The following DHX32 variants were observed in gnomAD, a reference collection of about 807,000 sequenced individuals.
DHX32 encodes the protein DEAH-box helicase 32 (putative).
A neutral mutation model predicts 70.0 loss-of-function variants in DHX32; 51 were observed. The observed-to-expected ratio is 0.73, with a 90% CI of 0.58 to 0.92. The LOEUF (loss-of-function observed/expected upper bound fraction) is 0.92, where lower values mean the gene tolerates loss of function less well. Ranked by LOEUF, DHX32 falls within the 40% of genes least tolerant of loss-of-function variation. DHX32 has a pLI of 0.00. For synonymous variants in DHX32, 310 were observed against 315.3 expected (o/e 0.98, Z 0.18); for missense variants, 762 against 891.8 (o/e 0.85, Z 1.85).
chr10:125,877,332 T>A (rs1313883703), intron 1 of DHX32, among the ~76,000 whole-genome samples: 1 of 149,990 alleles, frequency 6.7e-6, no homozygotes, highest in Non-Finnish European at 1.5e-5. Context: ...TACTGGCAGC[T>A]GTAAATCAGA....
At chr10:125,881,298 G>C (rs1202395728), upstream of DHX32, 1 of 153,952 alleles carries the variant, frequency 6.5e-6, no homozygotes, top group Non-Finnish European at 1.4e-5. Context: ...TCTGCACTGG[G>C]CCTCGTGCTC....
At chr10:125,883,467 C>G (rs751099905), upstream of DHX32, among the ~76,000 whole-genome samples, 2 of 152,162 alleles carry the variant, frequency 1.3e-5, no homozygotes, top group African/African-American at 4.8e-5. Context: ...GAGGTACCCA[C>G]GCCCAAGCCA....
At chr10:125,843,611 C>CA (rs879669432) in intron 6 of DHX32, among the ~76,000 whole-genome samples, 376 of 132,052 alleles carry the variant, frequency 2.8e-3, no homozygotes, top group East Asian at 5.3e-3. Flanking sequence ...GACTCCGTCT[C>CA]AAAAAAAAAA....
At chr10:125,859,037 G>GT (rs1253027834) in intron 3 of DHX32, among the ~76,000 whole-genome samples, 24 of 135,306 alleles carry the variant, frequency 1.8e-4, no homozygotes, top group East Asian at 8.6e-4. Context: ...TTTTTTGTTT[G>GT]TTTGTTTGTT....
upstream of DHX32, among the ~76,000 whole-genome samples, chr10:125,885,146 G>T (rs940901651): frequency 6.6e-6 from 1 of 151,992 alleles, no homozygotes; most frequent in East Asian, 1.9e-4. Context: ...CACAAATCTG[G>T]TCCCCCCAAT....
At chr10:125,852,709 A>G (rs1160639738) in intron 4 of DHX32, 67 bp from the exon 5 acceptor site, 5 of 1,403,944 alleles carry the variant, frequency 3.6e-6, no homozygotes, top group Non-Finnish European at 4.9e-6. Context: ...ACTGATCCTG[A>G]AGAGAATATG....
chr10:125,862,624 A>G (rs1488369963), intron 2 of DHX32, among the ~76,000 whole-genome samples: 1 of 152,200 alleles, frequency 6.6e-6, no homozygotes, highest in Admixed American at 6.5e-5. Context: ...TAACTTATTA[A>G]AAACTCCAGC....
intron 7 of DHX32, chr10:125,841,301 G>T: frequency 6.2e-7 from 1 of 1,614,114 alleles, no homozygotes; most frequent in Non-Finnish European, 8.5e-7. Context: ...ACAAGAAGAG[G>T]ATTGGAACCA....
intron 1 of DHX32, among the ~76,000 whole-genome samples, chr10:125,876,364 C>T (rs1280632862): frequency 6.6e-6 from 1 of 152,202 alleles, no homozygotes; most frequent in East Asian, 1.9e-4. Flanking sequence ...TTGGCTCTAT[C>T]TTGACAACAA....
chr10:125,895,320 T>C (rs1944447763), intron 1 of DHX32, among the ~76,000 whole-genome samples: 1 of 152,258 alleles, frequency 6.6e-6, no homozygotes, highest in Admixed American at 6.5e-5. Context: ...AAAACGGCTC[T>C]TCCTTCCATT....
At chr10:125,895,918 C>T (rs1156346814) in intron 1 of DHX32, among the ~76,000 whole-genome samples, 3 of 152,302 alleles carry the variant, frequency 2.0e-5, no homozygotes, top group African/African-American at 7.2e-5. Context: ...CCACGCTTCC[C>T]GTCAGGGGGG....
At chr10:125,852,145 C>A (rs774535853) in intron 6 of DHX32, 148 bp downstream of exon 6, 4 of 970,048 alleles carry the variant, frequency 4.1e-6, no homozygotes, top group Non-Finnish European at 5.9e-6. Context: ...AGAATGTTTA[C>A]CTCTAGCAGG....
At chr10:125,868,947 C>T (rs773366878) in intron 1 of DHX32, among the ~76,000 whole-genome samples, 29 of 152,110 alleles carry the variant, frequency 1.9e-4, no homozygotes, top group African/African-American at 6.5e-4. Context: ...CACTACCTAA[C>T]GGCCCCTCAA....
rs187029618 is a variant in DHX32 at position 125,839,201 on chromosome 10, G to A, written c.1694-13C>T. ...TTTTCCACACAGTCTAGGAGGGAAAGAACACAAGGCTATTTAGAAATGATT... is the reference window on the plus strand; with the variant it reads ...TTTTCCACACAGTCTAGGAGGGAAAAAACACAAGGCTATTTAGAAATGATT... On this transcript the variant is annotated splice_polypyrimidine_tract_variant and intron_variant, in intron 8 of 10. Coordinates refer to ENST00000284690, the MANE Select transcript of DHX32 (RefSeq NM_018180.3). 117 of 1,611,762 alleles carry A rather than the reference G, an allele frequency of 7.3e-5. No individual in the cohort carries two copies. The African/African-American group carries it at 1.4e-3, about 20-fold the overall frequency.
Position 125,859,934 on chromosome 10 carries a change from T to C in DHX32, c.518A>G (p.Asn173Ser), listed in dbSNP as rs748432189. Residue 173 changes from asparagine to serine, a missense_variant, in exon 3 of 11, where the codon AAT becomes AGT. Around this residue, in one of 3 missense-constraint regions of DHX32, gnomAD observed 394 missense variants for 473.1 expected, o/e 0.83. Transcript: ENST00000284690. Reference protein sequence around the residue: ...DDMLQREMMSNPFLGSYGVII... With the variant: ...DDMLQREMMSSPFLGSYGVII... ...GACCCCATAGCTACCCAAAAAAGGATTGGACATCATTTCTCTTTGCAGCAT... is the reference window on the plus strand; with the variant it reads ...GACCCCATAGCTACCCAAAAAAGGACTGGACATCATTTCTCTTTGCAGCAT... The C allele has an allele frequency of 5.0e-6, 8 of 1,610,040 alleles. No homozygotes were observed. The highest frequency in any genetic ancestry group is 2.2e-5 in the East Asian group (1 of 44,848).
At chr10:125,853,077 A>G (rs1291581152) in intron 4 of DHX32, 1 of 1,351,910 alleles carries the variant, frequency 7.4e-7, no homozygotes, top group African/African-American at 1.5e-5. Flanking sequence ...CAATCATAAC[A>G]GCTAATACAG....
chr10:125,871,186 G>A (rs1165715155), intron 1 of DHX32, among the ~76,000 whole-genome samples: 2 of 152,118 alleles, frequency 1.3e-5, no homozygotes, highest in Non-Finnish European at 1.5e-5. Flanking sequence ...GTTGATAATA[G>A]TATAAACATT....
chr10:125,875,036 T>A (rs914720248), intron 1 of DHX32, among the ~76,000 whole-genome samples: 1 of 151,928 alleles, frequency 6.6e-6, no homozygotes, highest in Non-Finnish European at 1.5e-5. Context: ...CTGGGCAACA[T>A]GACAAAACCC....
Position 125,852,327 on chromosome 10 carries a change from C to G in DHX32, c.1317G>C (p.Ala439=). The G allele has an allele frequency of 6.2e-7, 1 of 1,614,124 alleles. No individual in the cohort carries two copies. The highest frequency in any genetic ancestry group is 8.5e-7 in the Non-Finnish European group (1 of 1,180,036). Residue 439 remains alanine (A), a synonymous_variant, in exon 6 of 11, where the codon GCG becomes GCC. Coordinates refer to ENST00000284690, the MANE Select transcript of DHX32 (RefSeq NM_018180.3). ...MVLFMKRIDI[A]GLGHCDFMNR... ...TCATGAAGTCACAGTGGCCTAGGCC[C>G]GCAATGTCTATCCTCTTCATAAAAA...
Sources: gnomAD v4.1 joint callset for allele counts (sites outside exome capture counted in the v4.1 genomes callset) on GRCh38, gnomAD v4.1.1 for gene constraint, gnomAD v4.1.1 regional missense constraint, MANE v1.5 for transcripts, NCBI Gene and HGNC (gene_info 2026-07-23, HGNC 2026-07-21) for gene names.